ADCY9: variants seen among roughly 807,000 people sequenced by gnomAD.
The protein encoded by ADCY9 is adenylate cyclase 9.
In ADCY9, 50 loss-of-function variants were observed where a neutral mutation model predicts 101.5. The observed-to-expected ratio is 0.49, with a 90% confidence interval of 0.39 to 0.62. ADCY9 has a LOEUF of 0.62. Ranked by LOEUF, ADCY9 falls within the 20% of genes least tolerant of loss-of-function variation. ADCY9 has a pLI of 0.00. For synonymous variants in ADCY9, 905 were observed against 769.3 expected, an observed-to-expected ratio of 1.18 and a Z score of -2.92; for missense variants, 1,662 against 1,800.4, an observed-to-expected ratio of 0.92 and a Z score of 1.39.
At chr16:4,096,450 A>G (rs1483644629) in intron 2 of ADCY9, among the ~76,000 whole-genome samples, 1 of 152,228 alleles carries the variant, frequency 6.6e-6, no homozygotes, top group Non-Finnish European at 1.5e-5. Flanking sequence ...CTAATTTACA[A>G]AAACAAATTA....
intron 2 of ADCY9, among the ~76,000 whole-genome samples, chr16:4,090,637 C>G (rs1039284400): frequency 9.9e-5 from 15 of 151,958 alleles, no homozygotes; most frequent in Admixed American, 5.2e-4. Flanking sequence ...CAGAGGGAAG[C>G]CTAATTTTAT....
intron 3 of ADCY9, among the ~76,000 whole-genome samples, chr16:4,004,352 A>G (rs111945780): frequency 1.3e-5 from 2 of 151,986 alleles, no homozygotes; most frequent in African/African-American, 4.8e-5. Context: ...TGACATCACT[A>G]TCATTTCCTG....
chr16:4,109,166 A>G (rs1274658668), intron 2 of ADCY9, among the ~76,000 whole-genome samples: 1 of 151,298 alleles, frequency 6.6e-6, no homozygotes, highest in Non-Finnish European at 1.5e-5. Flanking sequence ...CACTTTTTCT[A>G]TTTTACTTAT....
rs1180377839 is a variant in ADCY9, at chr16:4,115,083, G to A, written c.360C>T (p.Leu120=). Residue 120 remains leucine (L), a synonymous_variant, in exon 2 of 11, where the codon CTC becomes CTT. Transcript: ENST00000294016. The surrounding 1 kb of genome is among the most constrained non-coding windows in gnomAD (Gnocchi z 6.2). ...PQTQRRFRYA[L]FYIGFACLLW... Reference sequence around the variant, plus strand: ...GAAGGCAGGCGAAGCCGATGTAGAAGAGCGCATACCGGAACCGGCGCTGGG... The same window carrying A: ...GAAGGCAGGCGAAGCCGATGTAGAAAAGCGCATACCGGAACCGGCGCTGGG... 3.1e-6 allele frequency: 5 copies of A among 1,614,004 alleles called. No individual in the cohort carries two copies. The highest frequency in any genetic ancestry group is 1.7e-5 in the Admixed American group (1 of 60,028).
intron 3 of ADCY9, among the ~76,000 whole-genome samples, chr16:4,002,679 T>C (rs117161613): frequency 0.036 from 5,484 of 152,350 alleles, 129 homozygotes; most frequent in Middle Eastern, 0.078. Flanking sequence ...AATGGTTCCC[T>C]GATCAGAAGT....
chr16:4,064,270 T>C (rs1400499668), intron 2 of ADCY9, among the ~76,000 whole-genome samples: 2 of 152,222 alleles, frequency 1.3e-5, no homozygotes, highest in Non-Finnish European at 2.9e-5. Context: ...GATACCAGGT[T>C]CTTGGATTGA....
At chr16:4,024,225 G>A (rs537851243) in intron 2 of ADCY9, among the ~76,000 whole-genome samples, 9 of 151,980 alleles carry the variant, frequency 5.9e-5, no homozygotes, top group Non-Finnish European at 1.3e-4. Context: ...GTTTCACCAT[G>A]TTGGTCAGGC....
intron 2 of ADCY9, among the ~76,000 whole-genome samples, chr16:4,048,979 A>G (rs2056683478): frequency 6.6e-6 from 1 of 152,204 alleles, no homozygotes; most frequent in Non-Finnish European, 1.5e-5. Flanking sequence ...ATCAGGACTC[A>G]TAACGACCAA....
rs140478967 is a variant in ADCY9, at chr16:3,990,062, C to G, written c.2208-966G>C. Among the ~76,000 whole-genome samples, 356 of 152,296 alleles carry G rather than the reference C, an allele frequency of 2.3e-3. 2 individuals carry two copies. Among genetic ancestry groups the G allele is most frequent in the African/African-American group, 8.3e-3 (343 of 41,560 alleles). On this transcript the variant is annotated intron_variant, in intron 5 of 10. Transcript: ENST00000294016. ...ATGAATTGCCAGCAAATAGTAATAT[C>G]CTTTCTATACTGCAGAAAATTACTA...
intron 2 of ADCY9, among the ~76,000 whole-genome samples, chr16:4,046,995 G>A (rs2056669465): frequency 6.6e-6 from 1 of 151,732 alleles, no homozygotes; most frequent in South Asian, 2.1e-4. Flanking sequence ...GGTCAACAGA[G>A]CAAGACCCAA....
rs140465877 is a variant in ADCY9, at chr16:3,967,368, A to T, written c.2871-402T>A. 2.8e-4 allele frequency among the ~76,000 whole-genome samples: 42 copies of T among 150,576 alleles called. No homozygotes were observed. The East Asian group carries it at 6.8e-3, about 25-fold the overall frequency. On this transcript the variant is annotated intron_variant, in intron 10 of 10. Transcript: ENST00000294016. ...TTTTTCTTTTTTTTTAGAAGTCTTT[A>T]GCTTCTTTCAAAAATCTTTTCTTTT... is the stretch of plus-strand genomic sequence containing the variant.
intron 3 of ADCY9, among the ~76,000 whole-genome samples, chr16:4,003,094 C>T (rs1406472396): frequency 6.6e-6 from 1 of 152,130 alleles, no homozygotes; most frequent in Non-Finnish European, 1.5e-5. Flanking sequence ...TCATCACCCA[C>T]AGGGTTCATG....
intron 2 of ADCY9, among the ~76,000 whole-genome samples, chr16:4,062,617 T>C (rs1597202440): frequency 1.3e-5 from 2 of 152,088 alleles, no homozygotes; most frequent in African/African-American, 4.8e-5. Context: ...GAATTCAAGG[T>C]TATAGTGAGC....
At position 3,983,245 on chromosome 16, in the gene ADCY9, C is replaced by T. The variant is rs1181701464; in HGVS notation, c.2506G>A (p.Ala836Thr). The T allele has an allele frequency of 5.1e-5, 79 of 1,550,650 alleles. No homozygotes were observed. The highest frequency in any genetic ancestry group is 3.5e-4 in the Middle Eastern group (2 of 5,790). The change falls in exon 7 of 11, where the codon GCG becomes ACG. Residue 836 changes from alanine (A) to threonine (T), a missense_variant. This residue lies in a region of ADCY9 where 624 missense variants were observed against 639.1 expected (regional missense o/e 0.98). Transcript: ENST00000294016. ...AALLLEVLSL[A>T]VSIRMVFFLE... ...CGCGGCGCTTACCTGATGGACACCG[C>T]GAGGGACAGCACCTCCAGCAGCAGG...
intron 2 of ADCY9, among the ~76,000 whole-genome samples, chr16:4,069,838 G>C (rs1036442337): frequency 6.6e-6 from 1 of 152,160 alleles, no homozygotes; most frequent in African/African-American, 2.4e-5. Context: ...GCTCACACTT[G>C]TAATCCCAGC....
chr16:4,111,609 T>C (rs774780645), intron 2 of ADCY9, among the ~76,000 whole-genome samples: 123 of 152,208 alleles, frequency 8.1e-4, no homozygotes, highest in Non-Finnish European at 1.4e-3. Context: ...CCTGGAGTCC[T>C]ATCCACAAAG....
chr16:3,956,504 G>GGT (rs1555504575), intron 5 of ADCY9, among the ~76,000 whole-genome samples: 66 of 4,720 alleles, frequency 0.014, no homozygotes, highest in African/African-American at 0.034. Flanking sequence ...TTTTTTTTTT[G>GGT]GGGGGGGATG....
At chr16:4,025,410 GC>G (rs984392718) in intron 2 of ADCY9, among the ~76,000 whole-genome samples, 1 of 148,904 alleles carries the variant, frequency 6.7e-6, no homozygotes, top group African/African-American at 2.5e-5. Context: ...CACTGTGAAC[GC>G]TGCAGAGAGA....
chr16:4,113,343 G>C (rs1291792403), intron 2 of ADCY9, among the ~76,000 whole-genome samples: 1 of 152,118 alleles, frequency 6.6e-6, no homozygotes, highest in Non-Finnish European at 1.5e-5. Context: ...TTCGCAAAAA[G>C]GGCAGAGAGA....
Sources: gnomAD v4.1 joint callset for allele counts (sites outside exome capture counted in the v4.1 genomes callset) on GRCh38, gnomAD v4.1.1 for gene constraint, gnomAD v4.1.1 regional missense constraint, Gnocchi (gnomAD v3.1) non-coding constraint, MANE v1.5 for transcripts, NCBI Gene and HGNC (gene_info 2026-07-23, HGNC 2026-07-21) for gene names.